ITPR2: variants seen among roughly 807,000 people sequenced by gnomAD.
ITPR2 encodes the protein inositol 1,4,5-trisphosphate-gated calcium channel ITPR2.
Under a neutral mutation model 317.1 loss-of-function variants are expected in ITPR2, and 207 were observed. That is an observed-to-expected ratio of 0.65 (90% confidence interval 0.58 to 0.73). The LOEUF is 0.73. Ranked by LOEUF, ITPR2 falls within the 30% of genes least tolerant of loss-of-function variation. The pLI, the probability that ITPR2 is intolerant of heterozygous loss-of-function variation, is 0.00. For missense variants in ITPR2, 2,613 were observed against 3,284.0 expected (o/e 0.80, Z 4.99); for synonymous variants, 1,156 against 1,149.1 (o/e 1.01, Z -0.12).
Position 26,602,606 on chromosome 12 carries a change from T to C in ITPR2, c.3552+11A>G, listed in dbSNP as rs373520959. 8 of 1,599,428 alleles carry C rather than the reference T, an allele frequency of 5.0e-6. No homozygotes were observed. Among genetic ancestry groups the C allele is most frequent in the Admixed American group, 1.7e-5 (1 of 59,882 alleles). ...TATAAACCTATATAAGAATATTTTGTATCTGCCGACCTCCTTTACAATCCG... is the reference window on the plus strand; with the variant it reads ...TATAAACCTATATAAGAATATTTTGCATCTGCCGACCTCCTTTACAATCCG... On this transcript the variant is annotated intron_variant, in intron 27 of 56. Transcript: ENST00000381340.
At chr12:26,769,386 G>T (rs116417519) in intron 2 of ITPR2, among the ~76,000 whole-genome samples, 96 of 152,246 alleles carry the variant, frequency 6.3e-4, no homozygotes, top group African/African-American at 2.1e-3. Context: ...CACCTGTTCA[G>T]AGAAGATCTT....
chr12:26,669,870 T>A (rs1396332754), intron 13 of ITPR2, among the ~76,000 whole-genome samples: 1 of 152,210 alleles, frequency 6.6e-6, no homozygotes, highest in East Asian at 1.9e-4. Flanking sequence ...CCGACGGGCT[T>A]AAAAAACGGC....
At chr12:26,761,577 T>C (rs1039891588) in intron 2 of ITPR2, among the ~76,000 whole-genome samples, 1 of 152,212 alleles carries the variant, frequency 6.6e-6, no homozygotes, top group Non-Finnish European at 1.5e-5. Context: ...GAGAATCGCT[T>C]GAGGCCACAA....
chr12:26,695,776 A>G (rs1948334180), intron 9 of ITPR2, 126 bp from the exon 10 acceptor site: 1 of 652,930 alleles, frequency 1.5e-6, no homozygotes, highest in Admixed American at 2.8e-5. Flanking sequence ...GCTAAGAAAG[A>G]AACTATTAGT....
intron 34 of ITPR2, among the ~76,000 whole-genome samples, chr12:26,567,983 TATA>T (rs1945036097): frequency 3.3e-4 from 3 of 9,078 alleles, no homozygotes; most frequent in African/African-American, 1.1e-3. Context: ...ATATATTATA[TATA>T]TATATATATA....
intron 13 of ITPR2, among the ~76,000 whole-genome samples, chr12:26,670,463 A>G (rs955992326): frequency 3.3e-5 from 5 of 152,102 alleles, no homozygotes; most frequent in Admixed American, 1.3e-4. Context: ...CCTCTAGCAA[A>G]CTCCAACAGA....
At chr12:26,708,000 C>T (rs1214150400) in intron 9 of ITPR2, among the ~76,000 whole-genome samples, 1 of 151,890 alleles carries the variant, frequency 6.6e-6, no homozygotes, top group African/African-American at 2.4e-5. Flanking sequence ...TAAAAAAATG[C>T]TTAACATCAT....
chr12:26,673,538 C>A (rs1314534744), intron 13 of ITPR2, among the ~76,000 whole-genome samples: 2 of 150,844 alleles, frequency 1.3e-5, no homozygotes, highest in East Asian at 3.9e-4. Context: ...ATTGATGGGA[C>A]GTATCTCAAA....
chr12:26,578,664 A>G, intron 34 of ITPR2, 49 bp downstream of exon 34: 3 of 1,539,526 alleles, frequency 1.9e-6, no homozygotes, highest in Middle Eastern at 3.5e-4. Context: ...CCAAAAACCT[A>G]ATTTCTTCAA....
intron 21 of ITPR2, among the ~76,000 whole-genome samples, chr12:26,636,697 C>G (rs755805778): frequency 1.1e-4 from 16 of 151,934 alleles, no homozygotes; most frequent in Non-Finnish European, 2.1e-4. Context: ...AAATAGATAC[C>G]AATGAGATAA....
At chr12:26,407,661 T>C (rs1940396992) in intron 52 of ITPR2, among the ~76,000 whole-genome samples, 1 of 152,202 alleles carries the variant, frequency 6.6e-6, no homozygotes, top group Non-Finnish European at 1.5e-5. Context: ...AAATAATTTA[T>C]AGTGATCTTT....
At chr12:26,658,215 TA>T in intron 16 of ITPR2, 85 bp from the exon 17 acceptor site, 2 of 906,040 alleles carry the variant, frequency 2.2e-6, no homozygotes, top group Non-Finnish European at 3.1e-6. Flanking sequence ...TGGAATATAA[TA>T]AAATAAACTT....
chr12:26,464,542 G>A (rs1942120563), intron 45 of ITPR2, among the ~76,000 whole-genome samples: 1 of 152,168 alleles, frequency 6.6e-6, no homozygotes, highest in Admixed American at 6.5e-5. Context: ...GTACCTGTCT[G>A]GAGCCCGGGG....
At chr12:26,511,548 A>G (rs1943347308) in intron 37 of ITPR2, among the ~76,000 whole-genome samples, 1 of 152,102 alleles carries the variant, frequency 6.6e-6, no homozygotes, top group African/African-American at 2.4e-5. Flanking sequence ...TTACTGTCTC[A>G]CCCATTTTTT....
chr12:26,345,184 A>C (rs774133402), intron 55 of ITPR2, among the ~76,000 whole-genome samples: 9 of 152,162 alleles, frequency 5.9e-5, no homozygotes, highest in Non-Finnish European at 1.2e-4. Context: ...GAAAAAAAAA[A>C]CAACTTAAAT....
In ITPR2 at chr12:26,831,674, A is replaced by T. The variant is rs184000799; in HGVS notation, c.92+1016T>A. ...TTAACCATTTGGCACACTGTTTTAT[A>T]TATAAATATATATATATATTCTACA... is the stretch of plus-strand genomic sequence containing the variant. On this transcript the variant is annotated intron_variant, in intron 1 of 56. Transcript: ENST00000381340. The surrounding 1 kb of genome is among the most constrained non-coding windows in gnomAD (Gnocchi z 4.9). Among the ~76,000 whole-genome samples the T allele has an allele frequency of 9.1e-4, 113 of 124,714 alleles. No homozygotes were observed. The highest frequency in any genetic ancestry group is 1.9e-3 in the Admixed American group (22 of 11,552). 81.8% of individuals were successfully genotyped at this position (124,714 alleles called of 152,430 possible).
At chr12:26,832,598 G>C in intron 1 of ITPR2, 92 bp downstream of exon 1, 1 of 937,974 alleles carries the variant, frequency 1.1e-6, no homozygotes, top group African/African-American at 1.7e-5. Context: ...CACCACGCGC[G>C]GCAGCGGGAG....
chr12:26,524,581 C>A (rs1470246862), intron 37 of ITPR2, among the ~76,000 whole-genome samples: 2 of 152,110 alleles, frequency 1.3e-5, no homozygotes, highest in African/African-American at 4.8e-5. Context: ...AATTCCTACA[C>A]ATATTTTGTT....
chr12:26,736,757 G>A (rs978570768), intron 2 of ITPR2, among the ~76,000 whole-genome samples: 2 of 152,156 alleles, frequency 1.3e-5, no homozygotes, highest in Non-Finnish European at 2.9e-5. Flanking sequence ...CGCCATTTTA[G>A]GCTGATTCAT....
Sources: gnomAD v4.1 joint callset for allele counts (sites outside exome capture counted in the v4.1 genomes callset) on GRCh38, gnomAD v4.1.1 for gene constraint, Gnocchi (gnomAD v3.1) non-coding constraint, MANE v1.5 for transcripts, NCBI Gene and HGNC (gene_info 2026-07-23, HGNC 2026-07-21) for gene names.